Variants in UIMC1 observed in about 807,000 individuals in gnomAD.
UIMC1 encodes the protein BRCA1-A complex subunit RAP80.
UIMC1 carries 42 observed loss-of-function variants against 84.9 expected under a neutral mutation model. The ratio of observed to expected loss-of-function variants is 0.49; its 90% CI spans 0.39 to 0.64. The LOEUF (loss-of-function observed/expected upper bound fraction) is 0.64. UIMC1 is among the 30% of genes least tolerant of loss of function. The pLI is 0.00. For missense variants in UIMC1, 825 were observed against 847.6 expected (o/e 0.97, Z 0.33); for synonymous variants, 281 against 293.0 (o/e 0.96, Z 0.42).
chr5:177,002,584 G>A lies in UIMC1; in HGVS notation c.-9+4066C>T, dbSNP rs1169629573. ...TGGGAGGCCGAGGCAGGTGGATCAC[G>A]AGGTCAGGAAATCGAGACCATCCTG... On this transcript the variant is annotated intron_variant, in intron 1 of 14. Coordinates refer to ENST00000511320, the MANE Select transcript of UIMC1 (RefSeq NM_001199298.2). 4.6e-5 allele frequency among the ~76,000 whole-genome samples: 7 copies of A among 152,086 alleles called. No homozygotes were observed. The South Asian group carries it at 1.2e-3, about 27-fold the overall frequency.
chr5:176,999,941 G>A (rs571673906), intron 1 of UIMC1, among the ~76,000 whole-genome samples: 3 of 152,038 alleles, frequency 2.0e-5, no homozygotes, highest in African/African-American at 2.4e-5. Context: ...TGGATCATAC[G>A]ATAGCTCTAC....
chr5:176,992,633 T>TA (rs11417814), intron 1 of UIMC1, among the ~76,000 whole-genome samples: 19,609 of 147,100 alleles, frequency 0.13, 1,617 homozygotes, highest in East Asian at 0.19. Context: ...CTTGTCTCTA[T>TA]AAAAAAAAAA....
chr5:177,021,391 GAAAT>G (rs1310620736), intron 1 of UIMC1, among the ~76,000 whole-genome samples: 1 of 152,164 alleles, frequency 6.6e-6, no homozygotes, highest in Non-Finnish European at 1.5e-5. Context: ...AAATATAAAA[GAAAT>G]AAAGCAGGAA....
intron 1 of UIMC1, among the ~76,000 whole-genome samples, chr5:176,998,189 A>G (rs1773908252): frequency 6.6e-6 from 1 of 152,092 alleles, no homozygotes; most frequent in African/African-American, 2.4e-5. Flanking sequence ...TAGGGGATCA[A>G]TAAATACTTA....
At chr5:176,949,185 T>G (rs1765528324) in intron 9 of UIMC1, among the ~76,000 whole-genome samples, 1 of 152,128 alleles carries the variant, frequency 6.6e-6, no homozygotes, top group South Asian at 2.1e-4. Context: ...TTGTTACATA[T>G]GTATACATGT....
intron 2 of UIMC1, among the ~76,000 whole-genome samples, chr5:176,979,449 A>C (rs1377766584): frequency 6.6e-6 from 1 of 152,188 alleles, no homozygotes; most frequent in Admixed American, 6.5e-5. Context: ...TCTACTAAAA[A>C]TACAAAAATT....
At chr5:177,007,605 T>G (rs556498622), upstream of UIMC1, among the ~76,000 whole-genome samples, 1 of 152,188 alleles carries the variant, frequency 6.6e-6, no homozygotes, top group African/African-American at 2.4e-5. Context: ...CCAACAAATA[T>G]GTACACTGTG....
At position 176,943,418 on chromosome 5, in the gene UIMC1, C is replaced by T. The variant is rs1166663496; in HGVS notation, c.1514G>A (p.Cys505Tyr). 2 of 1,614,142 alleles carry T rather than the reference C, an allele frequency of 1.2e-6. No homozygotes were observed. Among genetic ancestry groups the T allele is most frequent in the African/African-American group, 1.3e-5 (1 of 75,038 alleles). Residue 505 changes from cysteine (C) to tyrosine (Y), a missense_variant, in exon 10 of 15, where the codon TGC becomes TAC. Coordinates refer to ENST00000511320, the MANE Select transcript of UIMC1 (RefSeq NM_001199298.2). ...TGGAAAGCATTGGTCACATAGCGGG[C>T]AGGATACCTGGTTACTGGATGAGAA... ...STFSSSNQVS[C>Y]PLCDQCFPPT...
At chr5:176,923,287 C>G (rs1391490437) in intron 10 of UIMC1, among the ~76,000 whole-genome samples, 1 of 152,100 alleles carries the variant, frequency 6.6e-6, no homozygotes, top group East Asian at 1.9e-4. Context: ...AATAAAAACA[C>G]AGATCAGTTA....
In UIMC1 at chr5:176,969,126, T is replaced by C; in HGVS notation, c.629A>G (p.Glu210Gly). ...SWDQSSQPVFENVNVKSFDRC... is the reference protein window; with the variant it reads ...SWDQSSQPVFGNVNVKSFDRC... ...GTCAAAAGATTTAACGTTCACATTCTCAAACACTGGCTGGCTTGACTGGTC... is the reference window on the plus strand; with the variant it reads ...GTCAAAAGATTTAACGTTCACATTCCCAAACACTGGCTGGCTTGACTGGTC... Residue 210 changes from glutamate (E) to glycine (G), a missense_variant, in exon 6 of 15, where the codon GAG (glutamate) becomes GGG (glycine). Transcript: ENST00000511320. 1.2e-6 allele frequency: 2 copies of C among 1,614,202 alleles called. No individual in the cohort carries two copies. The highest frequency in any genetic ancestry group is 1.7e-6 in the Non-Finnish European group (2 of 1,180,036).
chr5:176,999,261 TA>T (rs1774096779), intron 1 of UIMC1, among the ~76,000 whole-genome samples: 1 of 152,210 alleles, frequency 6.6e-6, no homozygotes, highest in African/African-American at 2.4e-5. Context: ...ATAAGTCTTA[TA>T]CATTTTATTA....
intron 3 of UIMC1, 39 bp downstream of exon 3, chr5:176,975,357 T>C (rs1416887542): frequency 6.3e-7 from 1 of 1,598,982 alleles, no homozygotes; most frequent in Non-Finnish European, 8.6e-7. Context: ...CTATGACTAT[T>C]ACAATTCCCA....
chr5:177,005,480 T>C (rs567498675), intron 1 of UIMC1, among the ~76,000 whole-genome samples: 1 of 152,032 alleles, frequency 6.6e-6, no homozygotes, highest in African/African-American at 2.4e-5. Context: ...TCATTTTCCA[T>C]TTTTTCAGTT....
chr5:176,922,618 T>C (rs1055969089), intron 10 of UIMC1, among the ~76,000 whole-genome samples: 6 of 152,232 alleles, frequency 3.9e-5, no homozygotes, highest in East Asian at 1.9e-4. Context: ...TTTTTGAACA[T>C]TGGGTTAAGT....
At chr5:177,019,187 G>C (rs747346715) in intron 1 of UIMC1, among the ~76,000 whole-genome samples, 2 of 152,240 alleles carry the variant, frequency 1.3e-5, no homozygotes, top group African/African-American at 2.4e-5. Context: ...CTAAGGACCA[G>C]TGTTCAAGCA....
chr5:176,992,463 T>TAAAAA (rs58677475), intron 1 of UIMC1, among the ~76,000 whole-genome samples: 2 of 141,682 alleles, frequency 1.4e-5, no homozygotes, highest in Non-Finnish European at 3.1e-5. Context: ...TGTCTCAGTT[T>TAAAAA]AAAAAAAAAA....
chr5:176,993,180 C>CAA (rs71299776), intron 1 of UIMC1, among the ~76,000 whole-genome samples: 15,209 of 127,388 alleles, frequency 0.12, 1,037 homozygotes, highest in East Asian at 0.2. Context: ...GACTCCATCT[C>CAA]AAAAAAAAAA....
rs540726974 is a variant in UIMC1 at position 176,986,074 on chromosome 5, T to C, written c.-8-3451A>G. Among the ~76,000 whole-genome samples, 84 of 151,734 alleles carry C rather than the reference T, an allele frequency of 5.5e-4. 1 individual carries two copies. Among genetic ancestry groups the C allele is most frequent in the Admixed American group, 8.5e-4 (13 of 15,224 alleles). Reference sequence around the variant, plus strand: ...TGAGACCATCCTATGCAACGTATTTTTTTTTTTGTAGAGACAAGACATGGC... The same window carrying C: ...TGAGACCATCCTATGCAACGTATTTCTTTTTTTGTAGAGACAAGACATGGC... On this transcript the variant is annotated intron_variant, in intron 1 of 14. Coordinates refer to ENST00000511320, the MANE Select transcript of UIMC1 (RefSeq NM_001199298.2).
At chr5:176,947,202 ATAAGG>A (rs1045153858) in intron 9 of UIMC1, among the ~76,000 whole-genome samples, 2 of 152,180 alleles carry the variant, frequency 1.3e-5, no homozygotes, top group Non-Finnish European at 2.9e-5. Flanking sequence ...TTATGTTAAA[ATAAGG>A]TATTTTTTCC....
Sources: allele counts gnomAD v4.1 joint callset (sites outside exome capture counted in the v4.1 genomes callset), GRCh38; gene constraint gnomAD v4.1.1; transcripts MANE v1.5; gene names NCBI Gene and HGNC (gene_info 2026-07-23, HGNC 2026-07-21).